The following CDH13 variants were observed in gnomAD, a reference collection of about 807,000 sequenced individuals.
The protein encoded by CDH13 is cadherin-13.
CDH13 carries 24 observed loss-of-function variants against 63.8 expected under a neutral mutation model. That is an observed-to-expected ratio of 0.38 (90% CI 0.27 to 0.53). The LOEUF is 0.53. CDH13 is among the 20% of genes least tolerant of loss of function. CDH13 has a pLI of 0.85. For missense variants in CDH13, 1,049 were observed against 903.1 expected, an observed-to-expected ratio of 1.16 and a Z score of -2.07; for synonymous variants, 503 against 355.3, an observed-to-expected ratio of 1.42 and a Z score of -4.67.
chr16:82,989,684 G>A (rs970581379), intron 2 of CDH13, among the ~76,000 whole-genome samples: 7 of 152,186 alleles, frequency 4.6e-5, no homozygotes, highest in African/African-American at 7.2e-5. Context: ...TGTATTCAAG[G>A]TGCAGGGTAT....
chr16:83,324,023 G>T (rs77405040), intron 5 of CDH13, among the ~76,000 whole-genome samples: 10,352 of 132,126 alleles, frequency 0.078, 524 homozygotes, highest in Non-Finnish European at 0.11. Flanking sequence ...ATCATCACAG[G>T]TTTATTTCTT....
chr16:83,289,214 A>T (rs180748093), intron 5 of CDH13, among the ~76,000 whole-genome samples: 2 of 152,338 alleles, frequency 1.3e-5, no homozygotes, highest in African/African-American at 4.8e-5. Flanking sequence ...TTGTCAGGAA[A>T]TGAACAGTAC....
intron 6 of CDH13, among the ~76,000 whole-genome samples, chr16:83,375,182 A>G (rs2091438052): frequency 6.6e-6 from 1 of 152,220 alleles, no homozygotes; most frequent in East Asian, 1.9e-4. Flanking sequence ...GCAATGAGCT[A>G]GGCAAAGCTG....
At chr16:82,828,739 A>G (rs1384888646) in intron 1 of CDH13, among the ~76,000 whole-genome samples, 12 of 152,142 alleles carry the variant, frequency 7.9e-5, no homozygotes, top group Admixed American at 7.9e-4. Flanking sequence ...AAATAATACA[A>G]ATAAAAATAC....
At chr16:82,746,252 TATATATGTGTTTATATATAAACAC>T (rs2034166398) in intron 1 of CDH13, among the ~76,000 whole-genome samples, 2 of 87,162 alleles carry the variant, frequency 2.3e-5, no homozygotes, top group Non-Finnish European at 5.8e-5. Flanking sequence ...ACACTGTTTA[TATATATGTGTTTATATATAAACAC>T]ACTGTATGTA....
intron 12 of CDH13, 58 bp from the exon 13 acceptor site, chr16:83,783,196 A>C: frequency 8.4e-7 from 1 of 1,188,556 alleles, no homozygotes; most frequent in Non-Finnish European, 1.2e-6. Context: ...CCAAAACCTC[A>C]CTCTTTTATT....
intron 8 of CDH13, among the ~76,000 whole-genome samples, chr16:83,643,686 A>G (rs16961122): frequency 0.17 from 25,238 of 152,130 alleles, 2,440 homozygotes; most frequent in East Asian, 0.32. Flanking sequence ...TTAGTAATCC[A>G]AGTCAGTTTG....
At chr16:83,729,478 T>C (rs1910799954) in intron 10 of CDH13, among the ~76,000 whole-genome samples, 2 of 152,160 alleles carry the variant, frequency 1.3e-5, no homozygotes, top group Admixed American at 6.5e-5. Flanking sequence ...CTAAGAAAGA[T>C]GTAAATCCCA....
chr16:83,492,616 G>A (rs2074040814), intron 7 of CDH13, among the ~76,000 whole-genome samples: 2 of 152,278 alleles, frequency 1.3e-5, no homozygotes, highest in South Asian at 4.1e-4. Flanking sequence ...ACCACCCTAT[G>A]CTAATTGCAC....
chr16:82,762,181 C>G (rs767340587), intron 1 of CDH13, among the ~76,000 whole-genome samples: 2 of 152,160 alleles, frequency 1.3e-5, no homozygotes, highest in Non-Finnish European at 2.9e-5. Context: ...CACCCTGCTA[C>G]TCTCTCTTCC....
intron 3 of CDH13, among the ~76,000 whole-genome samples, chr16:83,112,138 C>G (rs1597358087): frequency 2.0e-5 from 3 of 152,314 alleles, no homozygotes; most frequent in South Asian, 2.1e-4. Flanking sequence ...GGGTTTCCTT[C>G]TTGATTTCTA....
At chr16:82,685,277 G>T (rs1372371352) in intron 1 of CDH13, among the ~76,000 whole-genome samples, 2 of 152,210 alleles carry the variant, frequency 1.3e-5, no homozygotes, top group Non-Finnish European at 2.9e-5. Context: ...CAGATTTAGT[G>T]TCTGGTGAGG....
chr16:82,821,448 T>C (rs1381504), intron 1 of CDH13, among the ~76,000 whole-genome samples: 47,995 of 152,096 alleles, frequency 0.32, 8,760 homozygotes, highest in Non-Finnish European at 0.42. Flanking sequence ...GGGTGAGCTC[T>C]GTGGGGCCTT....
chr16:83,216,034 T>C (rs28588785), intron 4 of CDH13, among the ~76,000 whole-genome samples: 10,966 of 148,686 alleles, frequency 0.074, 1,300 homozygotes, highest in African/African-American at 0.25. Context: ...ACCCTCTACA[T>C]GCTTAAGCAT....
At chr16:82,793,603 C>T (rs913436734) in intron 1 of CDH13, among the ~76,000 whole-genome samples, 2 of 152,136 alleles carry the variant, frequency 1.3e-5, no homozygotes, top group Non-Finnish European at 2.9e-5. Context: ...TCATTTAAAA[C>T]TCAAAACCCT....
intron 2 of CDH13, among the ~76,000 whole-genome samples, chr16:82,985,731 A>G (rs2151392404): frequency 6.6e-6 from 1 of 152,228 alleles, no homozygotes; most frequent in South Asian, 2.1e-4. Context: ...TGCAATCCCC[A>G]GCATTGGAGG....
chr16:83,370,103 G>T (rs114182374), intron 6 of CDH13, among the ~76,000 whole-genome samples: 2,442 of 152,062 alleles, frequency 0.016, 73 homozygotes, highest in African/African-American at 0.056. Flanking sequence ...CTTTCATATC[G>T]TTGGCTAGGC....
chr16:83,621,295 C>G (rs1909789235), intron 8 of CDH13, among the ~76,000 whole-genome samples: 1 of 152,070 alleles, frequency 6.6e-6, no homozygotes. Flanking sequence ...CCCTTGGGGT[C>G]AGCTCTGTAG....
At chr16:82,680,317 A>G (rs1433212506) in intron 1 of CDH13, among the ~76,000 whole-genome samples, 1 of 152,238 alleles carries the variant, frequency 6.6e-6, no homozygotes, top group African/African-American at 2.4e-5. Flanking sequence ...GTTAGACATC[A>G]AGAGTCGAGG....
Sources: allele counts gnomAD v4.1 joint callset (sites outside exome capture counted in the v4.1 genomes callset), GRCh38; gene constraint gnomAD v4.1.1; transcripts MANE v1.5; gene names NCBI Gene and HGNC (gene_info 2026-07-23, HGNC 2026-07-21).